The following CBLB variants were observed in gnomAD, a reference collection of about 807,000 sequenced individuals.
CBLB encodes Cbl proto-oncogene B.
In CBLB, 31 loss-of-function variants were observed where a neutral mutation model predicts 104.9. The observed-to-expected ratio is 0.30, with a 90% CI of 0.22 to 0.40. The LOEUF (loss-of-function observed/expected upper bound fraction) is 0.40. Ranked by LOEUF, CBLB falls within the 10% of genes least tolerant of loss-of-function variation. CBLB has a pLI of 1.00. For synonymous variants in CBLB, 440 were observed against 422.6 expected (o/e 1.04, Z -0.51); for missense variants, 1,062 against 1,214.6 (o/e 0.87, Z 1.87).
chr3:105,773,553 C>T (rs562008948), intron 4 of CBLB, among the ~76,000 whole-genome samples: 27 of 152,106 alleles, frequency 1.8e-4, no homozygotes, highest in Non-Finnish European at 2.8e-4. Context: ...CTACCTGACT[C>T]GCTAAGAAAA....
At chr3:105,795,738 GTTTGTT>G (rs1331986538) in intron 3 of CBLB, among the ~76,000 whole-genome samples, 1 of 151,910 alleles carries the variant, frequency 6.6e-6, no homozygotes, top group African/African-American at 2.4e-5. Context: ...ACTGTGATTT[GTTTGTT>G]TTTGTTTTTG....
At chr3:105,694,686 C>T (rs2068112638) in intron 12 of CBLB, among the ~76,000 whole-genome samples, 1 of 151,802 alleles carries the variant, frequency 6.6e-6, no homozygotes, top group Non-Finnish European at 1.5e-5. Context: ...TATCAACGTT[C>T]GTATTTCAAA....
intron 4 of CBLB, among the ~76,000 whole-genome samples, chr3:105,761,572 T>C (rs1231794787): frequency 6.6e-6 from 1 of 152,228 alleles, no homozygotes; most frequent in Non-Finnish European, 1.5e-5. Flanking sequence ...TCTGCTGCCA[T>C]GTAAGATGTG....
intron 3 of CBLB, among the ~76,000 whole-genome samples, chr3:105,777,292 T>C (rs9834307): frequency 0.99 from 150,220 of 152,308 alleles, 74,119 homozygotes; most frequent in East Asian, 1. Context: ...TTTTAGAAGC[T>C]CTGTGGGCAA....
In CBLB at chr3:105,720,146, G is replaced by C; in HGVS notation, c.1308C>G (p.Cys436Trp). Residue 436 changes from cysteine (C) to tryptophan (W), a missense_variant, in exon 10 of 19, where the codon TGC (cysteine) becomes TGG (tryptophan). Transcript: ENST00000394030. ...GCATGCCAAAGGGGTCAATGATGCTGCAACACCTGGAGCCTTCATCTCTTG... is the reference window on the plus strand; with the variant it reads ...GCATGCCAAAGGGGTCAATGATGCTCCAACACCTGGAGCCTTCATCTCTTG... ...FDPRDEGSRC[C>W]SIIDPFGMPM... 1 of 1,613,760 alleles carries C rather than the reference G, an allele frequency of 6.2e-7. No homozygotes were observed.
At chr3:105,684,899 T>C (rs1203512374) in intron 14 of CBLB, among the ~76,000 whole-genome samples, 3 of 152,174 alleles carry the variant, frequency 2.0e-5, no homozygotes, top group East Asian at 3.8e-4. Context: ...TAGCACTTGA[T>C]AGAAAAACAA....
intron 4 of CBLB, among the ~76,000 whole-genome samples, chr3:105,754,466 G>A (rs2076862667): frequency 6.9e-6 from 1 of 145,874 alleles, no homozygotes; most frequent in Non-Finnish European, 1.5e-5. Context: ...TCAGGGTGCT[G>A]GCAGAGACCT....
intron 13 of CBLB, among the ~76,000 whole-genome samples, chr3:105,691,313 G>A (rs1248976872): frequency 1.3e-5 from 2 of 152,162 alleles, no homozygotes; most frequent in African/African-American, 4.8e-5. Flanking sequence ...TATTTCTCTA[G>A]TTAAGTGAAA....
intron 17 of CBLB, chr3:105,673,927 GTTTAC>G (rs1218127342): frequency 6.6e-6 from 1 of 152,124 alleles, no homozygotes; most frequent in Admixed American, 6.5e-5. Flanking sequence ...ATCCACTCTA[GTTTAC>G]TTTATCATCC....
At chr3:105,806,667 T>C (rs552498206) in intron 3 of CBLB, among the ~76,000 whole-genome samples, 3 of 152,176 alleles carry the variant, frequency 2.0e-5, no homozygotes, top group Middle Eastern at 3.4e-3. Flanking sequence ...CCAAGTTACT[T>C]TTAATTTTTT....
At chr3:105,795,990 G>A (rs2082215086) in intron 3 of CBLB, among the ~76,000 whole-genome samples, 2 of 152,004 alleles carry the variant, frequency 1.3e-5, no homozygotes, top group African/African-American at 4.8e-5. Flanking sequence ...CCAAAGTGCT[G>A]GGATTACAGG....
At chr3:105,722,930 A>AG (rs2073092054) in intron 9 of CBLB, among the ~76,000 whole-genome samples, 2 of 152,338 alleles carry the variant, frequency 1.3e-5, no homozygotes, top group Non-Finnish European at 2.9e-5. Context: ...AGTGCCTGTT[A>AG]TAAGAGTAGA....
At chr3:105,694,551 C>T (rs1271972951) in intron 12 of CBLB, among the ~76,000 whole-genome samples, 1 of 151,770 alleles carries the variant, frequency 6.6e-6, no homozygotes, top group Admixed American at 6.6e-5. Context: ...CAAGGACTTA[C>T]CAATTACTTT....
intron 2 of CBLB, among the ~76,000 whole-genome samples, chr3:105,865,049 T>C (rs1422467800): frequency 6.6e-6 from 1 of 152,164 alleles, no homozygotes; most frequent in Non-Finnish European, 1.5e-5. Flanking sequence ...ACAAACTAAA[T>C]TCATGCTATT....
intron 3 of CBLB, among the ~76,000 whole-genome samples, chr3:105,843,922 C>T (rs1363248796): frequency 6.6e-6 from 1 of 152,114 alleles, no homozygotes; most frequent in African/African-American, 2.4e-5. Context: ...AATGGTGTCC[C>T]CTAAAAAGAT....
chr3:105,867,412 C>G lies in CBLB; in HGVS notation c.166G>C (p.Val56Leu). 1 of 1,614,188 alleles carries G rather than the reference C, an allele frequency of 6.2e-7. No homozygotes were observed. The highest frequency in any genetic ancestry group is 8.5e-7 in the Non-Finnish European group (1 of 1,180,020). The change falls in exon 2 of 19, where the codon GTG becomes CTG. Residue 56 changes from valine to leucine, a missense_variant and splice_region_variant. By Grantham distance (32) the Val-to-Leu change is conservative. Around this residue, in one of 2 missense-constraint regions of CBLB, gnomAD observed 457 missense variants for 632.0 expected, o/e 0.72. Coordinates refer to ENST00000394030, the MANE Select transcript of CBLB (RefSeq NM_170662.5). ...VEKTWKLMDKVVRLCQNPKLQ... is the reference protein window; with the variant it reads ...VEKTWKLMDKLVRLCQNPKLQ... ...AGGCAACGTCAGACAGAACTTACCA[C>G]TTTGTCCATGAGCTTCCAAGTCTTC... is the stretch of plus-strand genomic sequence containing the variant.
intron 9 of CBLB, among the ~76,000 whole-genome samples, chr3:105,721,545 C>A (rs926994235): frequency 2.6e-5 from 4 of 152,116 alleles, no homozygotes; most frequent in African/African-American, 9.7e-5. Context: ...TATTCTTATT[C>A]ATCTGCTTGT....
At chr3:105,659,550 A>C (rs2063581247) in intron 18 of CBLB, among the ~76,000 whole-genome samples, 1 of 152,184 alleles carries the variant, frequency 6.6e-6, no homozygotes, top group African/African-American at 2.4e-5. Flanking sequence ...AACTATCTAA[A>C]AAGGGAAGCC....
intron 3 of CBLB, among the ~76,000 whole-genome samples, chr3:105,847,861 C>T (rs1342176432): frequency 6.6e-6 from 1 of 152,094 alleles, no homozygotes; most frequent in African/African-American, 2.4e-5. Context: ...CATAGAAATG[C>T]CTCCTATCAA....
Sources: gnomAD v4.1 joint callset for allele counts (sites outside exome capture counted in the v4.1 genomes callset) on GRCh38, gnomAD v4.1.1 for gene constraint, gnomAD v4.1.1 regional missense constraint, MANE v1.5 for transcripts, NCBI Gene and HGNC (gene_info 2026-07-23, HGNC 2026-07-21) for gene names.